Variants in RABGEF1 observed in about 807,000 individuals in gnomAD.
RABGEF1 encodes the protein RAB guanine nucleotide exchange factor 1.
In RABGEF1, 26 loss-of-function variants were observed where a neutral mutation model predicts 57.3. The observed-to-expected ratio is 0.45, with a 90% CI of 0.33 to 0.63. The LOEUF (loss-of-function observed/expected upper bound fraction) is 0.63. Among genes scored for constraint, RABGEF1 ranks in the 20% least tolerant of loss-of-function variants. RABGEF1 has a pLI of 0.02. For synonymous variants in RABGEF1, 185 were observed against 210.7 expected, an observed-to-expected ratio of 0.88 and a Z score of 1.06; for missense variants, 464 against 607.6, an observed-to-expected ratio of 0.76 and a Z score of 2.48.
At chr7:66,746,283 A>G (rs1324585533) in intron 1 of RABGEF1, among the ~76,000 whole-genome samples, 3 of 151,588 alleles carry the variant, frequency 2.0e-5, no homozygotes, top group Non-Finnish European at 1.5e-5. Flanking sequence ...TGGGATAGGA[A>G]GTGTGATTTT....
In RABGEF1 at chr7:66,810,234, G is replaced by A. The variant is rs1298970886; in HGVS notation, c.*950G>A. On this transcript the variant is annotated 3_prime_UTR_variant, in exon 9 of 9. Transcript: ENST00000284957. Reference sequence around the variant, plus strand: ...ATACATTTGACTTTGCAAACGTCTAGACATGTTTTCTGAACCTTTTTCAGG... The same window carrying A: ...ATACATTTGACTTTGCAAACGTCTAAACATGTTTTCTGAACCTTTTTCAGG... The A allele has an allele frequency of 6.6e-6, 1 of 152,174 alleles. No individual in the cohort carries two copies. The highest frequency in any genetic ancestry group is 1.5e-5 in the Non-Finnish European group (1 of 68,046). 9.4% of individuals were successfully genotyped at this position (152,174 alleles called of 1,614,324 possible). A position where few individuals can be genotyped will look rare whatever the true frequency, so the allele number is the denominator to read the frequency against.
intron 3 of RABGEF1, among the ~76,000 whole-genome samples, chr7:66,777,742 C>G (rs4718403): frequency 0.5 from 76,325 of 151,884 alleles, 20,114 homozygotes; most frequent in East Asian, 0.74. Flanking sequence ...GCAGTGAGCT[C>G]TGATTGTGCC....
At chr7:66,686,769 G>A (rs1390185253) in intron 1 of RABGEF1, among the ~76,000 whole-genome samples, 1 of 151,976 alleles carries the variant, frequency 6.6e-6, no homozygotes, top group Non-Finnish European at 1.5e-5. Context: ...TCAATGAAGT[G>A]ACTGTCAGTG....
In RABGEF1 at chr7:66,797,419, A is replaced by G. The variant is rs779507546; in HGVS notation, c.641A>G (p.Tyr214Cys). Reference sequence around the variant, plus strand: ...AAGATAATGGATCAGATTGAAAAGTACATCATGACTCGTCTCTATAAATAT... The same window carrying G: ...AAGATAATGGATCAGATTGAAAAGTGCATCATGACTCGTCTCTATAAATAT... ...VEKIMDQIEK[Y>C]IMTRLYKYVF... is the part of the protein sequence containing the mutation. Residue 214 changes from tyrosine to cysteine, a missense_variant, in exon 6 of 9, where the codon TAC becomes TGC. Around this residue, in one of 4 missense-constraint regions of RABGEF1, gnomAD observed 284 missense variants for 389.9 expected, o/e 0.73. Transcript: ENST00000284957. 1.2e-6 allele frequency: 2 copies of G among 1,611,708 alleles called. No individual in the cohort carries two copies. The highest frequency in any genetic ancestry group is 1.7e-6 in the Non-Finnish European group (2 of 1,179,726).
chr7:66,688,500 A>G (rs1791046648), intron 1 of RABGEF1, among the ~76,000 whole-genome samples: 2 of 152,224 alleles, frequency 1.3e-5, no homozygotes, highest in Non-Finnish European at 2.9e-5. Context: ...CAGAGTATAT[A>G]GTGTATTAGG....
intron 2 of RABGEF1, among the ~76,000 whole-genome samples, chr7:66,772,768 C>T (rs1446614162): frequency 6.6e-6 from 1 of 151,662 alleles, no homozygotes; most frequent in East Asian, 1.9e-4. Flanking sequence ...AAAAGTTAGC[C>T]GGGCATGGTG....
chr7:66,703,001 C>T (rs181149348), intron 1 of RABGEF1, among the ~76,000 whole-genome samples: 4 of 152,150 alleles, frequency 2.6e-5, no homozygotes, highest in South Asian at 4.2e-4. Flanking sequence ...GAAGGAGTCT[C>T]GCTCTGTCGC....
chr7:66,726,810 C>T (rs1181631834), intron 2 of RABGEF1, among the ~76,000 whole-genome samples: 1 of 152,116 alleles, frequency 6.6e-6, no homozygotes, highest in Admixed American at 6.5e-5. Flanking sequence ...TCAAGACCAG[C>T]CTGGCCAATA....
Position 66,810,693 on chromosome 7 carries a change from G to C in RABGEF1, c.*1409G>C, listed in dbSNP as rs549694693. The stretch of plus-strand genomic sequence containing the variant: ...TTCAGTGACATCCACAGATTATGCA[G>C]CTATACTTGTGAAATCGTGCATGAG... On this transcript the variant is annotated 3_prime_UTR_variant, in exon 9 of 9. Coordinates refer to ENST00000284957, the MANE Select transcript of RABGEF1 (RefSeq NM_014504.3). 47 of 152,286 alleles carry C rather than the reference G, an allele frequency of 3.1e-4. No homozygotes were observed. Among genetic ancestry groups the C allele is most frequent in the African/African-American group, 1.1e-3 (46 of 41,556 alleles). 9.4% of individuals were successfully genotyped at this position (152,286 alleles called of 1,614,324 possible). A position where few individuals can be genotyped will look rare whatever the true frequency, so the allele number is the denominator to read the frequency against.
intron 2 of RABGEF1, among the ~76,000 whole-genome samples, chr7:66,715,542 A>G (rs1191473229): frequency 1.3e-5 from 2 of 152,094 alleles, no homozygotes; most frequent in African/African-American, 4.8e-5. Flanking sequence ...AATATTTTCT[A>G]CTTCCCTGGA....
intron 1 of RABGEF1, among the ~76,000 whole-genome samples, chr7:66,753,239 A>C (rs1286636797): frequency 6.6e-6 from 1 of 152,176 alleles, no homozygotes; most frequent in Non-Finnish European, 1.5e-5. Flanking sequence ...ACAGGTGGTC[A>C]CTTTTGAGAA....
chr7:66,764,682 A>C (rs868723167), intron 1 of RABGEF1, among the ~76,000 whole-genome samples: 1 of 152,168 alleles, frequency 6.6e-6, no homozygotes, highest in Non-Finnish European at 1.5e-5. Context: ...GCATGTGGCT[A>C]TCCAATTTTC....
At chr7:66,793,944 T>C (rs776421177) in intron 4 of RABGEF1, among the ~76,000 whole-genome samples, 23 of 152,230 alleles carry the variant, frequency 1.5e-4, no homozygotes, top group Admixed American at 4.6e-4. Context: ...CTCGGCCTTA[T>C]TCATGTTCTT....
chr7:66,663,438 C>T, the RABGEF1 span, among the ~76,000 whole-genome samples: 15 of 152,168 alleles, frequency 9.9e-5, no homozygotes, highest in East Asian at 5.8e-4. Flanking sequence ...ATTGGCTGGG[C>T]GTGGTGGTGG....
At chr7:66,731,344 G>T (rs972480345) in intron 2 of RABGEF1, among the ~76,000 whole-genome samples, 4 of 152,168 alleles carry the variant, frequency 2.6e-5, no homozygotes, top group Non-Finnish European at 4.4e-5. Flanking sequence ...GAGGGTATCT[G>T]ATCAGGCAAG....
chr7:66,773,824 C>A, intron 2 of RABGEF1: 1 of 427,520 alleles, frequency 2.3e-6, no homozygotes. Flanking sequence ...TGCCACCATG[C>A]CCAGCTAAGT....
intron 1 of RABGEF1, among the ~76,000 whole-genome samples, chr7:66,767,529 T>C (rs763383068): frequency 3.3e-5 from 5 of 152,232 alleles, no homozygotes; most frequent in Non-Finnish European, 7.3e-5. Context: ...TTAAGATGGC[T>C]GCTATGGTCT....
chr7:66,780,234 A>G (rs1809567017), intron 3 of RABGEF1, among the ~76,000 whole-genome samples: 1 of 151,988 alleles, frequency 6.6e-6, no homozygotes, highest in Non-Finnish European at 1.5e-5. Context: ...AGGTAGTTGT[A>G]CTACCTCATA....
chr7:66,720,953 T>C (rs1181086680), intron 2 of RABGEF1, among the ~76,000 whole-genome samples: 2 of 152,208 alleles, frequency 1.3e-5, no homozygotes, highest in Non-Finnish European at 2.9e-5. Context: ...AGTCTTACTC[T>C]GTCGCCCAAG....
Sources: gnomAD v4.1 joint callset for allele counts (sites outside exome capture counted in the v4.1 genomes callset) on GRCh38, gnomAD v4.1.1 for gene constraint, gnomAD v4.1.1 regional missense constraint, MANE v1.5 for transcripts, NCBI Gene and HGNC (gene_info 2026-07-23, HGNC 2026-07-21) for gene names.